The following DCC variants were observed in gnomAD, a reference collection of about 807,000 sequenced individuals.
DCC encodes DCC netrin 1 receptor.
A neutral mutation model predicts 172.5 loss-of-function variants in DCC; 58 were observed. The observed-to-expected ratio is 0.34, with a 90% CI of 0.27 to 0.42. The LOEUF is 0.42. DCC is among the 10% of genes least tolerant of loss of function. The probability of loss-of-function intolerance (pLI) is 1.00; values close to 1 mark genes in which losing one functional copy is unlikely to be tolerated. For synonymous variants in DCC, 709 were observed against 644.5 expected (o/e 1.10, Z -1.52); for missense variants, 1,740 against 1,791.0 (o/e 0.97, Z 0.51).
intron 12 of DCC, among the ~76,000 whole-genome samples, chr18:53,294,518 G>T (rs907099000): frequency 1.3e-5 from 2 of 152,322 alleles, no homozygotes; most frequent in South Asian, 2.1e-4. Flanking sequence ...ACATGCCTAA[G>T]TTCAGAAAGG....
At chr18:52,768,350 G>T (rs1018276300) in intron 2 of DCC, among the ~76,000 whole-genome samples, 1 of 152,112 alleles carries the variant, frequency 6.6e-6, no homozygotes, top group Non-Finnish European at 1.5e-5. Context: ...CTCAGAAATT[G>T]CAGGGAGAAG....
chr18:53,436,734 G>A, intron 22 of DCC, among the ~76,000 whole-genome samples: 1 of 152,144 alleles, frequency 6.6e-6, no homozygotes, highest in East Asian at 1.9e-4. Flanking sequence ...AACGTCTTAT[G>A]TTTAAACTTT....
chr18:53,354,270 A>G (rs1159516195), intron 15 of DCC, among the ~76,000 whole-genome samples: 1 of 152,190 alleles, frequency 6.6e-6, no homozygotes, highest in African/African-American at 2.4e-5. Flanking sequence ...TCCTTTGGGT[A>G]TATACCCAGT....
chr18:52,414,171 C>T (rs1354874344), intron 1 of DCC, among the ~76,000 whole-genome samples: 1 of 152,108 alleles, frequency 6.6e-6, no homozygotes, highest in Non-Finnish European at 1.5e-5. Flanking sequence ...ACCTCCACCT[C>T]CTGGGTTCAA....
intron 11 of DCC, among the ~76,000 whole-genome samples, chr18:53,214,747 T>C (rs2055819090): frequency 6.6e-6 from 1 of 152,134 alleles, no homozygotes. Context: ...ACATCTAGAG[T>C]AGTTCCTGAC....
At chr18:52,543,258 C>G (rs1268802383) in intron 1 of DCC, among the ~76,000 whole-genome samples, 1 of 152,142 alleles carries the variant, frequency 6.6e-6, no homozygotes, top group Non-Finnish European at 1.5e-5. Flanking sequence ...GTCTCCTATT[C>G]AACCCAATAT....
chr18:52,678,853 A>G (rs2144985905), intron 1 of DCC, among the ~76,000 whole-genome samples: 1 of 152,082 alleles, frequency 6.6e-6, no homozygotes, highest in African/African-American at 2.4e-5. Flanking sequence ...TTCTCGCCCC[A>G]TCCTTTTTGC....
Position 53,157,353 on chromosome 18 carries a change from T to A in DCC, c.1262-3T>A, listed in dbSNP as rs867083663. The A allele has an allele frequency of 3.7e-6, 6 of 1,614,044 alleles. No homozygotes were observed. Among genetic ancestry groups the A allele is most frequent in the Middle Eastern group, 3.3e-4 (2 of 6,052 alleles). ...CTGATAGCCTCCTCTTCTTTCTCCTTAGCTATCCCAAGCTCCAGTGTCCTC... is the reference window on the plus strand; with the variant it reads ...CTGATAGCCTCCTCTTCTTTCTCCTAAGCTATCCCAAGCTCCAGTGTCCTC... On this transcript the variant is annotated splice_polypyrimidine_tract_variant and splice_region_variant and intron_variant, in intron 7 of 28. Transcript: ENST00000442544.
In DCC at chr18:52,864,701, A is replaced by C. The variant is rs968331334; in HGVS notation, c.413-41343A>C. ...TTCCCCAGCCCCCAATCCCCCCAAC[A>C]GGCCCCAGTGTGTGTTGTTCCCCTC... On this transcript the variant is annotated intron_variant, in intron 2 of 28. Coordinates refer to ENST00000442544, the MANE Select transcript of DCC (RefSeq NM_005215.4). Among the ~76,000 whole-genome samples, 6 of 150,628 alleles carry C rather than the reference A, an allele frequency of 4.0e-5. No individual in the cohort carries two copies. In the South Asian group the frequency reaches 6.3e-4, roughly 16 times the overall value.
intron 9 of DCC, among the ~76,000 whole-genome samples, chr18:53,180,618 A>C (rs891675697): frequency 2.0e-5 from 3 of 152,118 alleles, no homozygotes; most frequent in Admixed American, 2.0e-4. Flanking sequence ...TCACTAAACA[A>C]TGCCAATTTC....
intron 7 of DCC, among the ~76,000 whole-genome samples, chr18:53,085,966 T>G (rs2042873765): frequency 1.5e-5 from 1 of 66,012 alleles, no homozygotes; most frequent in Non-Finnish European, 2.9e-5. Context: ...TCTCTTCTTC[T>G]TCTTCTTCTT....
chr18:52,363,174 G>T (rs928884499), intron 1 of DCC, among the ~76,000 whole-genome samples: 1 of 152,152 alleles, frequency 6.6e-6, no homozygotes. Context: ...ACTGCATCCA[G>T]CCTATAAACA....
chr18:53,425,632 G>T (rs1910885985), intron 21 of DCC, among the ~76,000 whole-genome samples: 1 of 151,982 alleles, frequency 6.6e-6, no homozygotes, highest in Admixed American at 6.6e-5. Context: ...AAAGTGCTGG[G>T]ATTACAGGAA....
At position 53,227,370 on chromosome 18, in the gene DCC, T is replaced by C. The variant is rs189402429; in HGVS notation, c.1911+11773T>C. Among the ~76,000 whole-genome samples, 24 of 152,282 alleles carry C rather than the reference T, an allele frequency of 1.6e-4. No individual in the cohort carries two copies. In the East Asian group the frequency reaches 4.4e-3, roughly 28 times the overall value. On this transcript the variant is annotated intron_variant, in intron 12 of 28. Coordinates refer to ENST00000442544, the MANE Select transcript of DCC (RefSeq NM_005215.4). The stretch of plus-strand genomic sequence containing the variant: ...ACCAGCATCATACAATCTTAATATA[T>C]GTACTCAATAACACTCAACAATGAA...
At chr18:53,395,271 T>C (rs780706980) in intron 17 of DCC, among the ~76,000 whole-genome samples, 4 of 152,184 alleles carry the variant, frequency 2.6e-5, no homozygotes, top group Non-Finnish European at 5.9e-5. Flanking sequence ...GCTGTAGCTT[T>C]CTATGAGGTT....
At chr18:52,476,975 A>G (rs1240489731) in intron 1 of DCC, among the ~76,000 whole-genome samples, 2 of 152,136 alleles carry the variant, frequency 1.3e-5, no homozygotes, top group Non-Finnish European at 2.9e-5. Flanking sequence ...GCAATTATAT[A>G]CAAGGCAGCC....
At chr18:52,531,223 T>G (rs777741315) in intron 1 of DCC, among the ~76,000 whole-genome samples, 2 of 152,308 alleles carry the variant, frequency 1.3e-5, no homozygotes, top group South Asian at 4.1e-4. Flanking sequence ...GTATTATCAG[T>G]TCCTTCAAAC....
intron 1 of DCC, among the ~76,000 whole-genome samples, chr18:52,714,980 A>G (rs897491354): frequency 6.6e-6 from 1 of 152,166 alleles, no homozygotes; most frequent in Admixed American, 6.5e-5. Flanking sequence ...TATTCCATCT[A>G]AGATATGATC....
chr18:52,998,969 T>C (rs749248172), intron 5 of DCC, among the ~76,000 whole-genome samples: 1 of 152,048 alleles, frequency 6.6e-6, no homozygotes, highest in Non-Finnish European at 1.5e-5. Context: ...CGTCATTGAC[T>C]AAAAGGGAGT....
Sources: allele counts gnomAD v4.1 joint callset (sites outside exome capture counted in the v4.1 genomes callset), GRCh38; gene constraint gnomAD v4.1.1; transcripts MANE v1.5; gene names NCBI Gene and HGNC (gene_info 2026-07-23, HGNC 2026-07-21).